The following PRELID2 variants were observed in gnomAD, a reference collection of about 807,000 sequenced individuals.
PRELID2 encodes PRELI domain-containing protein 2.
In PRELID2, 25 loss-of-function variants were observed where a neutral mutation model predicts 28.4. The observed-to-expected ratio is 0.88, with a 90% confidence interval of 0.64 to 1.23. PRELID2 has a LOEUF of 1.23. Among genes scored for constraint, PRELID2 ranks in the 50% most tolerant of loss-of-function variants. The pLI, the probability that PRELID2 is intolerant of heterozygous loss-of-function variation, is 0.00. For synonymous variants in PRELID2, 76 were observed against 71.6 expected (o/e 1.06, Z -0.31); for missense variants, 201 against 214.4 (o/e 0.94, Z 0.39).
intron 1 of PRELID2, among the ~76,000 whole-genome samples, chr5:145,538,942 A>C (rs755773587): frequency 1.3e-5 from 2 of 151,986 alleles, no homozygotes; most frequent in Admixed American, 6.6e-5. Flanking sequence ...GCCTCACTGC[A>C]TAACTCAGAA....
intron 1 of PRELID2, among the ~76,000 whole-genome samples, chr5:145,658,886 G>A (rs1487701500): frequency 2.0e-5 from 3 of 152,178 alleles, no homozygotes; most frequent in African/African-American, 7.2e-5. Context: ...AGAGTAGTGG[G>A]ACACAGAGTA....
intron 1 of PRELID2, among the ~76,000 whole-genome samples, chr5:145,611,167 G>A (rs1330685924): frequency 2.6e-5 from 4 of 151,784 alleles, no homozygotes; most frequent in African/African-American, 9.7e-5. Context: ...AATTTAGCAA[G>A]GTCAATTTTT....
chr5:145,746,909 G>A (rs1437254950), intron 1 of PRELID2, among the ~76,000 whole-genome samples: 3 of 152,142 alleles, frequency 2.0e-5, no homozygotes, highest in Non-Finnish European at 4.4e-5. Context: ...CATGGAAATC[G>A]AATGACCTGC....
intron 1 of PRELID2, among the ~76,000 whole-genome samples, chr5:145,637,140 G>GA (rs374410967): frequency 2.5e-4 from 37 of 148,754 alleles, no homozygotes; most frequent in East Asian, 1.4e-3. Flanking sequence ...AACTGACCAT[G>GA]AAAAAAAAAC....
At chr5:145,576,420 C>T (rs1400793192) in intron 1 of PRELID2, among the ~76,000 whole-genome samples, 1 of 152,128 alleles carries the variant, frequency 6.6e-6, no homozygotes, top group South Asian at 2.1e-4. Context: ...TTTCAAGGCT[C>T]ATCCATGTTG....
At chr5:145,229,417 C>G in the PRELID2 span, 1 of 764,076 alleles carries the variant, frequency 1.3e-6, no homozygotes, top group Non-Finnish European at 2.4e-6. Context: ...ACCCCAAGAA[C>G]CAAGTGCCTC....
chr5:145,559,159 G>A (rs1258373919), intron 1 of PRELID2, among the ~76,000 whole-genome samples: 1 of 152,052 alleles, frequency 6.6e-6, no homozygotes. Context: ...GGAGGCTGAG[G>A]CAGGAGAATG....
At chr5:145,697,095 A>G (rs1420255455) in intron 1 of PRELID2, among the ~76,000 whole-genome samples, 1 of 130,384 alleles carries the variant, frequency 7.7e-6, no homozygotes, top group Non-Finnish European at 1.5e-5. Flanking sequence ...ACACACACAT[A>G]TATATATGTA....
intron 1 of PRELID2, among the ~76,000 whole-genome samples, chr5:145,734,408 C>T (rs1032534826): frequency 9.9e-5 from 15 of 152,166 alleles, no homozygotes; most frequent in African/African-American, 3.4e-4. Flanking sequence ...AAAACTAGTG[C>T]ACCAGTTTAC....
intron 1 of PRELID2, among the ~76,000 whole-genome samples, chr5:145,572,783 T>G (rs1261662504): frequency 6.6e-6 from 1 of 152,150 alleles, no homozygotes; most frequent in Non-Finnish European, 1.5e-5. Context: ...AGAACTTATC[T>G]CCAGTGTAAT....
chr5:145,229,870 C>T, the PRELID2 span: 17 of 752,522 alleles, frequency 2.3e-5, no homozygotes, highest in Admixed American at 1.4e-4. Flanking sequence ...GTGCAGGTGC[C>T]GGTCCTCAAG....
chr5:145,719,343 G>A (rs1015832473), intron 1 of PRELID2, among the ~76,000 whole-genome samples: 9 of 150,100 alleles, frequency 6.0e-5, no homozygotes, highest in South Asian at 4.2e-4. Context: ...TCAAGGTGGC[G>A]GCCTCAGAAG....
the PRELID2 span, among the ~76,000 whole-genome samples, chr5:145,408,032 G>A: frequency 2.0e-5 from 3 of 152,002 alleles, no homozygotes; most frequent in Non-Finnish European, 2.9e-5. Context: ...TGGGTGGCTA[G>A]ACCCAGAAGG....
intron 1 of PRELID2, among the ~76,000 whole-genome samples, chr5:145,556,042 G>A (rs1752876917): frequency 6.6e-6 from 1 of 151,968 alleles, no homozygotes; most frequent in African/African-American, 2.4e-5. Flanking sequence ...GCCAGGTGTG[G>A]TGGCGTGTGC....
intron 1 of PRELID2, among the ~76,000 whole-genome samples, chr5:145,593,557 C>G (rs10046079): frequency 0.11 from 16,585 of 151,970 alleles, 2,432 homozygotes; most frequent in African/African-American, 0.34. Flanking sequence ...ACTTTTGAAT[C>G]CTAAGGAATC....
chr5:145,550,868 T>C (rs1375791868), intron 1 of PRELID2, among the ~76,000 whole-genome samples: 1 of 152,308 alleles, frequency 6.6e-6, no homozygotes, highest in Admixed American at 6.5e-5. Context: ...AACATAATTC[T>C]AGATAATCTG....
intron 1 of PRELID2, among the ~76,000 whole-genome samples, chr5:145,652,042 T>C (rs1393845167): frequency 1.3e-5 from 2 of 151,760 alleles, no homozygotes; most frequent in African/African-American, 4.8e-5. Context: ...AAATAACCAG[T>C]GTAGAGAAGT....
the PRELID2 span, among the ~76,000 whole-genome samples, chr5:145,400,309 AGT>A: frequency 6.6e-6 from 1 of 152,196 alleles, no homozygotes; most frequent in East Asian, 1.9e-4. Flanking sequence ...AGTGTGTAAC[AGT>A]GTGCTTCAGG....
chr5:145,746,802 A>G (rs1255860305), intron 1 of PRELID2, among the ~76,000 whole-genome samples: 6 of 152,196 alleles, frequency 3.9e-5, no homozygotes, highest in Non-Finnish European at 8.8e-5. Context: ...TCCTGAGCAA[A>G]TGCAAAAGAA....
Sources: allele counts gnomAD v4.1 joint callset (sites outside exome capture counted in the v4.1 genomes callset), GRCh38; gene constraint gnomAD v4.1.1; transcripts MANE v1.5; gene names NCBI Gene and HGNC (gene_info 2026-07-23, HGNC 2026-07-21).